The following FAM227B variants were observed in gnomAD, a reference collection of about 807,000 sequenced individuals.
The protein encoded by FAM227B is family with sequence similarity 227 member B.
In FAM227B, 88 loss-of-function variants were observed where a neutral mutation model predicts 73.8. The ratio of observed to expected loss-of-function variants is 1.19; its 90% CI spans 1.00 to 1.42. The LOEUF is 1.42. Ranked by LOEUF, FAM227B falls within the 40% of genes most tolerant of loss-of-function variation. The pLI is 0.00. For synonymous variants in FAM227B, 210 were observed against 190.5 expected (o/e 1.10, Z -0.84); for missense variants, 632 against 590.9 (o/e 1.07, Z -0.72).
intron 11 of FAM227B, among the ~76,000 whole-genome samples, chr15:49,470,209 A>G (rs1425898680): frequency 6.6e-6 from 1 of 151,854 alleles, no homozygotes; most frequent in Admixed American, 6.6e-5. Flanking sequence ...GAAAAACCAC[A>G]TGTGAGAATA....
intron 5 of FAM227B, among the ~76,000 whole-genome samples, chr15:49,584,580 G>T (rs1028593101): frequency 2.0e-5 from 3 of 152,104 alleles, no homozygotes; most frequent in African/African-American, 7.2e-5. Context: ...ATACTACCCT[G>T]TTTTCAGGTG....
At chr15:49,529,101 A>G (rs1235826575) in intron 10 of FAM227B, among the ~76,000 whole-genome samples, 1 of 151,854 alleles carries the variant, frequency 6.6e-6, no homozygotes, top group African/African-American at 2.4e-5. Flanking sequence ...ATGATCAGAT[A>G]AAGAAAATAT....
chr15:49,443,776 G>C (rs2051904513), intron 11 of FAM227B, among the ~76,000 whole-genome samples: 1 of 151,544 alleles, frequency 6.6e-6, no homozygotes, highest in African/African-American at 2.4e-5. Context: ...ACCATGGTTT[G>C]GCTTCAGAGA....
At chr15:49,614,910 A>G in intron 2 of FAM227B, 1 of 544,530 alleles carries the variant, frequency 1.8e-6, no homozygotes, top group Non-Finnish European at 3.3e-6. Context: ...CTGATCTCCC[A>G]TCTCCTCGGC....
chr15:49,367,640 A>G, intron 12 of FAM227B, 32 bp from the exon 13 acceptor site: 2 of 1,529,002 alleles, frequency 1.3e-6, no homozygotes, highest in Non-Finnish European at 1.7e-6. Flanking sequence ...CAAGACAACG[A>G]TTACTTTTGT....
At chr15:49,431,410 G>A (rs1258137027) in intron 11 of FAM227B, among the ~76,000 whole-genome samples, 2 of 151,782 alleles carry the variant, frequency 1.3e-5, no homozygotes, top group African/African-American at 4.8e-5. Context: ...CTATGTGTAT[G>A]AAAGGGTTTG....
intron 11 of FAM227B, among the ~76,000 whole-genome samples, chr15:49,395,455 T>C (rs755227014): frequency 4.6e-5 from 7 of 152,214 alleles, no homozygotes; most frequent in Non-Finnish European, 8.8e-5. Flanking sequence ...CTATGTGAGC[T>C]GTCACTCTCA....
At chr15:49,599,909 T>C (rs2153302522) in intron 3 of FAM227B, among the ~76,000 whole-genome samples, 1 of 152,314 alleles carries the variant, frequency 6.6e-6, no homozygotes, top group South Asian at 2.1e-4. Flanking sequence ...GATCTGTATG[T>C]GTCTGTTAGG....
At chr15:49,388,429 C>CT (rs1440747897) in intron 11 of FAM227B, among the ~76,000 whole-genome samples, 1 of 151,732 alleles carries the variant, frequency 6.6e-6, no homozygotes. Flanking sequence ...ACTGCCAAGC[C>CT]ACACATTGAA....
rs2074818342 is a variant in FAM227B at position 49,568,275 on chromosome 15, T to C, written c.717A>G (p.Ile239Met). 6.2e-7 allele frequency: 1 copy of C among 1,609,802 alleles called. No individual in the cohort carries two copies. The highest frequency in any genetic ancestry group is 8.5e-7 in the Non-Finnish European group (1 of 1,178,230). Residue 239 changes from isoleucine (I) to methionine (M), a missense_variant, in exon 9 of 16, where the codon ATA becomes ATG. Coordinates refer to ENST00000299338, the MANE Select transcript of FAM227B (RefSeq NM_152647.3). ...SESYVTLFMSIPLSRKDAFFQ... is the reference protein window; with the variant it reads ...SESYVTLFMSMPLSRKDAFFQ... ...AAAATGCATCCTTTCGACTTAGAGGTATGCTCATGAAAAGTGTCACATAAC... is the reference window on the plus strand; with the variant it reads ...AAAATGCATCCTTTCGACTTAGAGGCATGCTCATGAAAAGTGTCACATAAC...
intron 5 of FAM227B, among the ~76,000 whole-genome samples, chr15:49,587,235 AAAAC>A (rs1364090452): frequency 6.6e-6 from 1 of 152,220 alleles, no homozygotes; most frequent in African/African-American, 2.4e-5. Flanking sequence ...CAGGAACAGA[AAAAC>A]AAATACTGCA....
chr15:49,421,224 C>A (rs1018081564), intron 11 of FAM227B, among the ~76,000 whole-genome samples: 1 of 152,140 alleles, frequency 6.6e-6, no homozygotes, highest in East Asian at 1.9e-4. Context: ...CTGGAGAATT[C>A]ATTTAGAAGC....
chr15:49,519,218 G>A (rs1477792441), intron 10 of FAM227B, among the ~76,000 whole-genome samples: 1 of 152,158 alleles, frequency 6.6e-6, no homozygotes, highest in Admixed American at 6.5e-5. Flanking sequence ...GCAGGGTACA[G>A]CTTCCCTCTT....
chr15:49,349,257 A>T (rs965225774), intron 13 of FAM227B, among the ~76,000 whole-genome samples: 4 of 152,168 alleles, frequency 2.6e-5, no homozygotes, highest in African/African-American at 9.7e-5. Context: ...ATACTCATTC[A>T]TGTGAAACAA....
intron 9 of FAM227B, among the ~76,000 whole-genome samples, chr15:49,557,004 T>A (rs1208860947): frequency 6.6e-6 from 1 of 151,956 alleles, no homozygotes; most frequent in Non-Finnish European, 1.5e-5. Context: ...TCCCCAGGAG[T>A]CACTGGGGCC....
At chr15:49,475,299 A>C (rs2055163734) in intron 11 of FAM227B, among the ~76,000 whole-genome samples, 1 of 152,196 alleles carries the variant, frequency 6.6e-6, no homozygotes, top group African/African-American at 2.4e-5. Flanking sequence ...CAATAAAGAG[A>C]TTAGAAGTTA....
At chr15:49,469,979 T>G (rs767567280) in intron 11 of FAM227B, among the ~76,000 whole-genome samples, 1 of 152,200 alleles carries the variant, frequency 6.6e-6, no homozygotes, top group Non-Finnish European at 1.5e-5. Flanking sequence ...GATTCCATCT[T>G]TTCATTAGAG....
intron 11 of FAM227B, among the ~76,000 whole-genome samples, chr15:49,458,352 G>GT (rs1266874634): frequency 6.6e-6 from 1 of 152,000 alleles, no homozygotes; most frequent in African/African-American, 2.4e-5. Flanking sequence ...TTGGCTTTGA[G>GT]TCATCTTTAA....
intron 11 of FAM227B, among the ~76,000 whole-genome samples, chr15:49,372,044 C>CAATGAAATAAAATTCACTTATAAATT (rs2045863695): frequency 1.2e-5 from 1 of 80,708 alleles, no homozygotes; most frequent in Non-Finnish European, 2.7e-5. Flanking sequence ...ACTTATAAAT[C>CAATGAAATAAAATTCACTTATAAATT]AATGAAATAA....
Sources: gnomAD v4.1 joint callset for allele counts (sites outside exome capture counted in the v4.1 genomes callset) on GRCh38, gnomAD v4.1.1 for gene constraint, MANE v1.5 for transcripts, NCBI Gene and HGNC (gene_info 2026-07-23, HGNC 2026-07-21) for gene names.